XPNPEP1: variants seen among roughly 807,000 people sequenced by gnomAD.
XPNPEP1 encodes X-prolyl aminopeptidase 1.
XPNPEP1 carries 39 observed loss-of-function variants against 92.4 expected under a neutral mutation model. The ratio of observed to expected loss-of-function variants is 0.42; its 90% confidence interval spans 0.33 to 0.55. XPNPEP1 has a LOEUF of 0.55. XPNPEP1 is among the 20% of genes least tolerant of loss of function. The probability of loss-of-function intolerance (pLI) is 0.08; values close to 1 mark genes in which losing one functional copy is unlikely to be tolerated. For synonymous variants in XPNPEP1, 307 were observed against 299.4 expected, an observed-to-expected ratio of 1.03 and a Z score of -0.26; for missense variants, 654 against 856.1, an observed-to-expected ratio of 0.76 and a Z score of 2.95.
chr10:109,914,410 CCTT>C (rs201470459), intron 2 of XPNPEP1, among the ~76,000 whole-genome samples: 184 of 152,200 alleles, frequency 1.2e-3, no homozygotes, highest in Admixed American at 0.011. Context: ...TAACCTATCT[CCTT>C]CTCCACCACC....
chr10:109,919,199 T>C (rs1414851825), intron 1 of XPNPEP1, among the ~76,000 whole-genome samples: 1 of 152,220 alleles, frequency 6.6e-6, no homozygotes, highest in Non-Finnish European at 1.5e-5. Flanking sequence ...AGAAAATGGA[T>C]GACAACCCAC....
chr10:109,922,531 C>G, intron 1 of XPNPEP1, among the ~76,000 whole-genome samples: 1 of 152,138 alleles, frequency 6.6e-6, no homozygotes, highest in East Asian at 1.9e-4. Flanking sequence ...GGTTTGGGAC[C>G]CCCCTACTCA....
intron 7 of XPNPEP1, 123 bp downstream of exon 7, chr10:109,887,926 G>A: frequency 7.1e-7 from 1 of 1,399,024 alleles, no homozygotes; most frequent in East Asian, 2.5e-5. Flanking sequence ...CTGGGGCAGA[G>A]TAGGGCAAAA....
intron 5 of XPNPEP1, 147 bp downstream of exon 5, chr10:109,891,575 G>A: frequency 1.6e-6 from 1 of 608,264 alleles, no homozygotes; most frequent in Non-Finnish European, 2.8e-6. Flanking sequence ...GTATAGGCAT[G>A]CCATTTTTTT....
intron 1 of XPNPEP1, 119 bp from the exon 2 acceptor site, chr10:109,915,218 A>AC (rs1278735362): frequency 4.2e-6 from 2 of 476,188 alleles, no homozygotes; most frequent in Non-Finnish European, 7.1e-6. Context: ...AAGAACTTTC[A>AC]CCCCCATTAT....
At chr10:109,878,122 G>C in intron 12 of XPNPEP1, 64 bp from the exon 13 acceptor site, 1 of 1,586,840 alleles carries the variant, frequency 6.3e-7, no homozygotes, top group Non-Finnish European at 8.6e-7. Context: ...TTACAAATTA[G>C]AGGAGGTACA....
At chr10:109,893,762 T>C (rs1391759386) in intron 3 of XPNPEP1, among the ~76,000 whole-genome samples, 1 of 152,214 alleles carries the variant, frequency 6.6e-6, no homozygotes, top group African/African-American at 2.4e-5. Flanking sequence ...AGTCAAAGTG[T>C]GCAACTTCTG....
At chr10:109,915,788 CAGGCATGA>C (rs1850154021) in intron 1 of XPNPEP1, among the ~76,000 whole-genome samples, 1 of 152,132 alleles carries the variant, frequency 6.6e-6, no homozygotes, top group Non-Finnish European at 1.5e-5. Flanking sequence ...CCCTGGACAC[CAGGCATGA>C]AGGTCTATAT....
chr10:109,875,439 C>T, intron 15 of XPNPEP1, 89 bp downstream of exon 15: 1 of 1,217,874 alleles, frequency 8.2e-7, no homozygotes. Flanking sequence ...CGATGACCAG[C>T]TGAGTGCTCT....
At chr10:109,880,382 T>G in intron 11 of XPNPEP1, 144 bp from the exon 12 acceptor site, 1 of 818,746 alleles carries the variant, frequency 1.2e-6, no homozygotes, top group East Asian at 2.5e-5. Flanking sequence ...TGTGGACATT[T>G]CTGGGAAGCT....
At position 109,893,011 on chromosome 10, in the gene XPNPEP1, C is replaced by CAAAT; in HGVS notation, c.310_310+1insATTT (p.Gly104AspfsTer16). ...AGAACAGAGAAAAAGTAGTGACTCA[C>CAAAT]CCGCAGAGCCATCGAATCCAGAGAC... On this transcript the variant is annotated frameshift_variant and splice_region_variant. Coordinates refer to ENST00000502935, the MANE Select transcript of XPNPEP1 (RefSeq NM_020383.4). LOFTEE classifies it high-confidence loss of function. 6.2e-7 allele frequency: 1 copy of CAAAT among 1,613,528 alleles called. No individual in the cohort carries two copies. The highest frequency in any genetic ancestry group is 8.5e-7 in the Non-Finnish European group (1 of 1,179,756).
Position 109,882,654 on chromosome 10 carries a change from G to A in XPNPEP1, c.831-12C>T. The A allele has an allele frequency of 6.2e-7, 1 of 1,613,732 alleles. No homozygotes were observed. Among genetic ancestry groups the A allele is most frequent in the South Asian group, 1.1e-5 (1 of 91,064 alleles). On this transcript the variant is annotated splice_polypyrimidine_tract_variant and intron_variant, in intron 9 of 20. Transcript: ENST00000502935. ...CATCAATGAAGAGCCTGCAGATGGA[G>A]GAGAGGTGGGTGGCAGAAAAAGGAG...
At chr10:109,889,942 A>C (rs533501704) in intron 5 of XPNPEP1, among the ~76,000 whole-genome samples, 1 of 152,260 alleles carries the variant, frequency 6.6e-6, no homozygotes, top group African/African-American at 2.4e-5. Context: ...TCAAACCACT[A>C]AACAAGCCAC....
chr10:109,915,284 A>C, intron 1 of XPNPEP1, 185 bp from the exon 2 acceptor site: 1 of 382,316 alleles, frequency 2.6e-6, no homozygotes, highest in Non-Finnish European at 4.7e-6. Context: ...AAACATCCCC[A>C]TGGCAGGTTA....
chr10:109,880,522 C>G (rs887242395), intron 11 of XPNPEP1, among the ~76,000 whole-genome samples: 1 of 152,162 alleles, frequency 6.6e-6, no homozygotes, highest in Admixed American at 6.5e-5. Context: ...GGTTAAGAAC[C>G]CTACAGGGGC....
intron 15 of XPNPEP1, chr10:109,873,678 T>G: frequency 2.0e-6 from 1 of 502,936 alleles, no homozygotes; most frequent in South Asian, 2.8e-5. Flanking sequence ...AACTTGTACA[T>G]GAAGGTTCAC....
At chr10:109,900,006 C>T (rs2133484756) in intron 3 of XPNPEP1, among the ~76,000 whole-genome samples, 1 of 152,244 alleles carries the variant, frequency 6.6e-6, no homozygotes, top group East Asian at 1.9e-4. Context: ...CCCCCAGGGC[C>T]CAAGCTCATT....
chr10:109,875,971 G>A, intron 14 of XPNPEP1: 1 of 187,318 alleles, frequency 5.3e-6, no homozygotes, highest in South Asian at 9.9e-5. Flanking sequence ...TGGGACAGGA[G>A]CAGCCTGGAG....
chr10:109,883,965 A>C (rs556768156), intron 9 of XPNPEP1, 102 bp downstream of exon 9: 2 of 971,284 alleles, frequency 2.1e-6, no homozygotes, highest in South Asian at 3.5e-5. Context: ...GAAGCACATC[A>C]GTGAAATATC....
Sources: allele counts gnomAD v4.1 joint callset (sites outside exome capture counted in the v4.1 genomes callset), GRCh38; gene constraint gnomAD v4.1.1; transcripts MANE v1.5; gene names NCBI Gene and HGNC (gene_info 2026-07-23, HGNC 2026-07-21).